Variants in ANTXR1 observed in about 807,000 individuals in gnomAD.
ANTXR1 encodes the protein anthrax toxin receptor 1.
ANTXR1 carries 19 observed loss-of-function variants against 78.1 expected under a neutral mutation model. The observed-to-expected ratio is 0.24, with a 90% CI of 0.17 to 0.36. The LOEUF is 0.36. ANTXR1 is among the 10% of genes least tolerant of loss of function. The probability of loss-of-function intolerance (pLI) is 1.00; values close to 1 mark genes in which losing one functional copy is unlikely to be tolerated. For missense variants in ANTXR1, 518 were observed against 718.6 expected, an observed-to-expected ratio of 0.72 and a Z score of 3.19; for synonymous variants, 273 against 260.5, an observed-to-expected ratio of 1.05 and a Z score of -0.46.
intron 17 of ANTXR1, among the ~76,000 whole-genome samples, chr2:69,232,713 G>T (rs897436606): frequency 9.2e-5 from 14 of 152,054 alleles, no homozygotes; most frequent in Non-Finnish European, 1.6e-4. Flanking sequence ...TAAGAATTAG[G>T]TAAAACTTAG....
Position 69,147,896 on chromosome 2 carries a change from T to C in ANTXR1, c.952-4273T>C, listed in dbSNP as rs1573933134. On this transcript the variant is annotated intron_variant, in intron 12 of 17. Coordinates refer to ENST00000303714, the MANE Select transcript of ANTXR1 (RefSeq NM_032208.3). ...TCACTGAATTAAATGAGAGAATGCATAGATAGCACTGAGCACGGTGGTTAG... is the reference window on the plus strand; with the variant it reads ...TCACTGAATTAAATGAGAGAATGCACAGATAGCACTGAGCACGGTGGTTAG... Among the ~76,000 whole-genome samples, 4 of 152,304 alleles carry C rather than the reference T, an allele frequency of 2.6e-5. No homozygotes were observed. In the South Asian group the frequency reaches 8.3e-4, roughly 32 times the overall value.
intron 6 of ANTXR1, among the ~76,000 whole-genome samples, chr2:69,075,099 T>G (rs529694968): frequency 9.8e-4 from 150 of 152,286 alleles, no homozygotes; most frequent in Non-Finnish European, 1.6e-3. Flanking sequence ...TTTATGAGTA[T>G]CTACGTGGTT....
chr2:69,035,089 C>T (rs977903882), intron 1 of ANTXR1, among the ~76,000 whole-genome samples: 2 of 151,984 alleles, frequency 1.3e-5, no homozygotes, highest in Admixed American at 6.6e-5. Flanking sequence ...GTGAGACATA[C>T]GTGTTTCAAC....
chr2:69,209,241 CA>C lies in ANTXR1; in HGVS notation c.1434+15831del, dbSNP rs1277712615. Among the ~76,000 whole-genome samples, 75 of 152,256 alleles carry C rather than the reference CA, an allele frequency of 4.9e-4. 1 individual carries two copies. The highest frequency in any genetic ancestry group is 3.4e-3 in the Middle Eastern group (1 of 294). On this transcript the variant is annotated intron_variant, in intron 17 of 17. Transcript: ENST00000303714. ...AGAAGCAAATATTATCCTCACTTTA[CA>C]AAAAGGAACCTGAGTTGACTAGAGC...
chr2:69,080,503 C>A (rs888523941), intron 8 of ANTXR1, among the ~76,000 whole-genome samples: 5 of 152,142 alleles, frequency 3.3e-5, no homozygotes, highest in African/African-American at 1.2e-4. Flanking sequence ...TATTTTTAAA[C>A]CTTAAATTAA....
intron 17 of ANTXR1, among the ~76,000 whole-genome samples, chr2:69,239,114 A>G (rs1441398315): frequency 6.6e-6 from 1 of 152,200 alleles, no homozygotes; most frequent in Non-Finnish European, 1.5e-5. Context: ...TCCAATTTTG[A>G]AGTTTCAATT....
intron 17 of ANTXR1, among the ~76,000 whole-genome samples, chr2:69,234,065 T>A (rs1458196195): frequency 6.6e-6 from 1 of 152,226 alleles, no homozygotes; most frequent in African/African-American, 2.4e-5. Context: ...TTCTCCAACT[T>A]AATTTATGAA....
intron 8 of ANTXR1, among the ~76,000 whole-genome samples, chr2:69,087,870 C>T (rs1359455122): frequency 6.6e-6 from 1 of 152,282 alleles, no homozygotes; most frequent in African/African-American, 2.4e-5. Flanking sequence ...CTAAGAACCA[C>T]GAGAACCCTT....
chr2:69,205,325 A>T (rs1423721933), intron 17 of ANTXR1, among the ~76,000 whole-genome samples: 4 of 152,058 alleles, frequency 2.6e-5, no homozygotes, highest in South Asian at 4.2e-4. Context: ...CTGAGAGAGG[A>T]CACACAGGCC....
At chr2:69,193,991 C>CTA (rs1674605184) in intron 17 of ANTXR1, among the ~76,000 whole-genome samples, 1 of 152,220 alleles carries the variant, frequency 6.6e-6, no homozygotes, top group Non-Finnish European at 1.5e-5. Flanking sequence ...TGGAATATCT[C>CTA]TAGTCAAGAG....
chr2:69,053,328 C>A (rs1177628519), intron 3 of ANTXR1, among the ~76,000 whole-genome samples: 1 of 152,126 alleles, frequency 6.6e-6, no homozygotes, highest in African/African-American at 2.4e-5. Flanking sequence ...AGTAGAGACC[C>A]AGCAGTCTTT....
chr2:69,017,404 C>T (rs1399289553), intron 1 of ANTXR1, among the ~76,000 whole-genome samples: 1 of 152,174 alleles, frequency 6.6e-6, no homozygotes, highest in Admixed American at 6.5e-5. Flanking sequence ...GGGACTGAAT[C>T]CACCATTCTT....
chr2:69,103,930 G>C (rs1029455465), intron 10 of ANTXR1, among the ~76,000 whole-genome samples: 2 of 147,254 alleles, frequency 1.4e-5, no homozygotes, highest in South Asian at 2.1e-4. Context: ...TTCTCCTCCT[G>C]ATAGCCTATT....
intron 1 of ANTXR1, among the ~76,000 whole-genome samples, chr2:69,022,532 AAGAAATTGGGAAGCTTCC>A (rs1671222953): frequency 6.6e-6 from 1 of 152,214 alleles, no homozygotes; most frequent in Non-Finnish European, 1.5e-5. Flanking sequence ...TGTCTGAAGG[AAGAAATTGGGAAGCTTCC>A]ATGATAAAAG....
intron 14 of ANTXR1, chr2:69,172,413 G>A (rs1227397276): frequency 1.9e-6 from 3 of 1,607,910 alleles, no homozygotes; most frequent in African/African-American, 1.3e-5. Context: ...AAATCCCACA[G>A]AAACAGATAA....
At chr2:69,124,493 G>C (rs910644201) in intron 11 of ANTXR1, 72 bp from the exon 12 acceptor site, 25 of 1,339,110 alleles carry the variant, frequency 1.9e-5, no homozygotes, top group African/African-American at 1.1e-4. Flanking sequence ...AAGGAGTCCT[G>C]TGTGTCTGGC....
intron 12 of ANTXR1, among the ~76,000 whole-genome samples, chr2:69,135,950 C>G (rs958804018): frequency 6.6e-6 from 1 of 152,120 alleles, no homozygotes; most frequent in African/African-American, 2.4e-5. Flanking sequence ...ACAATGAAGA[C>G]TTATGCAACT....
intron 8 of ANTXR1, among the ~76,000 whole-genome samples, chr2:69,083,725 G>A (rs1387566243): frequency 6.6e-6 from 1 of 152,152 alleles, no homozygotes; most frequent in Non-Finnish European, 1.5e-5. Flanking sequence ...GGCAGTCTGT[G>A]GCTCCGTTTC....
At chr2:69,156,250 C>T (rs143473532) in intron 13 of ANTXR1, among the ~76,000 whole-genome samples, 1 of 152,336 alleles carries the variant, frequency 6.6e-6, no homozygotes, top group African/African-American at 2.4e-5. Flanking sequence ...ACCTGCTGTT[C>T]TATCTCCGTG....
Sources: allele counts gnomAD v4.1 joint callset (sites outside exome capture counted in the v4.1 genomes callset), GRCh38; gene constraint gnomAD v4.1.1; transcripts MANE v1.5; gene names NCBI Gene and HGNC (gene_info 2026-07-23, HGNC 2026-07-21).